Variants in HPSE2 observed in about 807,000 individuals in gnomAD.
HPSE2 encodes the protein inactive heparanase-2.
In HPSE2, 38 loss-of-function variants were observed where a neutral mutation model predicts 60.5. The observed-to-expected ratio is 0.63, with a 90% CI of 0.48 to 0.82. HPSE2 has a LOEUF of 0.82. Among genes scored for constraint, HPSE2 ranks in the 40% least tolerant of loss-of-function variants. The pLI is 0.00. For missense variants in HPSE2, 713 were observed against 740.4 expected (o/e 0.96, Z 0.43); for synonymous variants, 295 against 293.2 (o/e 1.01, Z -0.06).
At chr10:98,754,517 A>G (rs1949833566) in intron 3 of HPSE2, among the ~76,000 whole-genome samples, 1 of 151,894 alleles carries the variant, frequency 6.6e-6, no homozygotes, top group East Asian at 2.0e-4. Flanking sequence ...GAACCCCTGT[A>G]AGATACTATC....
intron 6 of HPSE2, among the ~76,000 whole-genome samples, chr10:98,680,260 A>C (rs554767611): frequency 6.6e-6 from 1 of 152,326 alleles, no homozygotes; most frequent in East Asian, 1.9e-4. Context: ...TGTTAGTAAA[A>C]GTGTACTTTT....
intron 3 of HPSE2, among the ~76,000 whole-genome samples, chr10:98,844,081 T>C (rs1222342637): frequency 6.6e-6 from 1 of 152,176 alleles, no homozygotes; most frequent in African/African-American, 2.4e-5. Context: ...GTGATTCTAC[T>C]TCTAAGCTAT....
At chr10:99,013,396 G>A (rs994503548) in intron 3 of HPSE2, 2 of 549,130 alleles carry the variant, frequency 3.6e-6, no homozygotes, top group Non-Finnish European at 6.8e-6. Flanking sequence ...TGTTAGTATA[G>A]TAAGTGTTTC....
intron 3 of HPSE2, among the ~76,000 whole-genome samples, chr10:98,966,607 C>A (rs1955820355): frequency 6.6e-6 from 1 of 152,134 alleles, no homozygotes; most frequent in South Asian, 2.1e-4. Context: ...TGCTCTTCTA[C>A]CAACTAATGG....
chr10:98,761,396 G>A (rs937191732), intron 3 of HPSE2, among the ~76,000 whole-genome samples: 2 of 151,884 alleles, frequency 1.3e-5, no homozygotes, highest in Non-Finnish European at 2.9e-5. Flanking sequence ...TTCTGTTCTC[G>A]TCTTTATTAT....
intron 4 of HPSE2, among the ~76,000 whole-genome samples, chr10:98,733,194 C>T (rs544387625): frequency 6.6e-6 from 1 of 152,226 alleles, no homozygotes; most frequent in African/African-American, 2.4e-5. Flanking sequence ...GACCTTGGCT[C>T]ACTGCAACCT....
intron 3 of HPSE2, among the ~76,000 whole-genome samples, chr10:98,893,347 G>A (rs572195188): frequency 1.1e-4 from 17 of 152,240 alleles, no homozygotes; most frequent in African/African-American, 2.6e-4. Context: ...GATTACAGGC[G>A]TTGAGCCACC....
chr10:99,252,746 G>A, the HPSE2 span, among the ~76,000 whole-genome samples: 9 of 151,272 alleles, frequency 5.9e-5, no homozygotes, highest in Middle Eastern at 3.4e-3. Flanking sequence ...GCGTGGTGGC[G>A]GGCGCCTGTA....
At chr10:98,812,873 T>C (rs551605507) in intron 3 of HPSE2, among the ~76,000 whole-genome samples, 52 of 152,336 alleles carry the variant, frequency 3.4e-4, no homozygotes, top group African/African-American at 1.2e-3. Context: ...CTGAAAGTTC[T>C]AAATCTGTAG....
intron 3 of HPSE2, chr10:99,013,473 GATT>G (rs774692999): frequency 8.1e-5 from 34 of 418,524 alleles, no homozygotes; most frequent in South Asian, 1.6e-4. Context: ...TTATGATTAT[GATT>G]ATTATTATTA....
At chr10:98,577,972 C>A (rs982634040) in intron 9 of HPSE2, among the ~76,000 whole-genome samples, 1 of 152,104 alleles carries the variant, frequency 6.6e-6, no homozygotes, top group Non-Finnish European at 1.5e-5. Flanking sequence ...AAACTTTTAT[C>A]CTTGATGGAA....
intron 9 of HPSE2, among the ~76,000 whole-genome samples, chr10:98,527,181 C>T (rs1221840837): frequency 6.6e-6 from 1 of 152,128 alleles, no homozygotes; most frequent in Non-Finnish European, 1.5e-5. Flanking sequence ...GAGCCAATAG[C>T]TTCCTCTCTA....
intron 4 of HPSE2, among the ~76,000 whole-genome samples, chr10:98,741,244 T>G (rs551907824): frequency 1.3e-5 from 2 of 152,264 alleles, no homozygotes; most frequent in South Asian, 4.1e-4. Context: ...GTTTTTTTTG[T>G]TCTTTTCCTA....
intron 3 of HPSE2, among the ~76,000 whole-genome samples, chr10:99,039,669 C>T (rs575136080): frequency 6.6e-6 from 1 of 151,952 alleles, no homozygotes; most frequent in East Asian, 1.9e-4. Context: ...AATTATCTAT[C>T]GGTGTAATCA....
At chr10:98,693,316 A>T (rs1163852957) in intron 6 of HPSE2, among the ~76,000 whole-genome samples, 1 of 152,220 alleles carries the variant, frequency 6.6e-6, no homozygotes. Flanking sequence ...TATTTATCAG[A>T]TAATTGTATT....
At chr10:98,600,895 A>ATATATGTGTGTGTGTG (rs1450872755) in intron 9 of HPSE2, among the ~76,000 whole-genome samples, 4 of 69,408 alleles carry the variant, frequency 5.8e-5, no homozygotes, top group African/African-American at 8.3e-5. Context: ...ATATATACGT[A>ATATATGTGTGTGTGTG]TATATATGTG....
chr10:99,065,624 G>A (rs1285194666), intron 3 of HPSE2, among the ~76,000 whole-genome samples: 1 of 152,168 alleles, frequency 6.6e-6, no homozygotes, highest in African/African-American at 2.4e-5. Context: ...CACTATGATA[G>A]AGTTAAGACA....
chr10:99,174,193 T>A (rs1847434379), intron 2 of HPSE2, among the ~76,000 whole-genome samples: 2 of 152,224 alleles, frequency 1.3e-5, no homozygotes, highest in African/African-American at 4.8e-5. Context: ...TCAAGGAACA[T>A]CTTGAGTTCC....
At chr10:99,050,976 G>A (rs1957978098) in intron 3 of HPSE2, among the ~76,000 whole-genome samples, 1 of 151,324 alleles carries the variant, frequency 6.6e-6, no homozygotes, top group Non-Finnish European at 1.5e-5. Context: ...TGTGTGTATG[G>A]AAAAAATATC....
Sources: allele counts gnomAD v4.1 joint callset (sites outside exome capture counted in the v4.1 genomes callset), GRCh38; gene constraint gnomAD v4.1.1; transcripts MANE v1.5; gene names NCBI Gene and HGNC (gene_info 2026-07-23, HGNC 2026-07-21).